DPP6: variants seen among roughly 807,000 people sequenced by gnomAD.
DPP6 encodes the protein A-type potassium channel modulatory protein DPP6.
In DPP6, 69 loss-of-function variants were observed where a neutral mutation model predicts 122.6. The ratio of observed to expected loss-of-function variants is 0.56; its 90% CI spans 0.46 to 0.69. The LOEUF (loss-of-function observed/expected upper bound fraction) is 0.69, where lower values mean the gene tolerates loss of function less well. Ranked by LOEUF, DPP6 falls within the 30% of genes least tolerant of loss-of-function variation. DPP6 has a pLI of 0.00. For missense variants in DPP6, 928 were observed against 1,116.9 expected (o/e 0.83, Z 2.41); for synonymous variants, 418 against 433.1 (o/e 0.97, Z 0.43).
intron 1 of DPP6, among the ~76,000 whole-genome samples, chr7:154,272,639 C>T (rs546454479): frequency 6.6e-6 from 1 of 152,066 alleles, no homozygotes; most frequent in Non-Finnish European, 1.5e-5. Context: ...TAGGGGGACT[C>T]CATTAGCCCC....
chr7:153,904,348 G>A (rs917163295), intron 1 of DPP6, among the ~76,000 whole-genome samples: 1 of 152,060 alleles, frequency 6.6e-6, no homozygotes. Context: ...CACCACACCT[G>A]GCCAGTTATT....
chr7:154,389,040 GGGAAAGCTGT>G (rs1814374283), intron 1 of DPP6, among the ~76,000 whole-genome samples: 1 of 152,124 alleles, frequency 6.6e-6, no homozygotes, highest in Non-Finnish European at 1.5e-5. Context: ...TAAGCTGGTT[GGGAAAGCTGT>G]CGTTCACCTT....
At chr7:154,768,970 C>A (rs1215342857) in intron 8 of DPP6, among the ~76,000 whole-genome samples, 1 of 152,164 alleles carries the variant, frequency 6.6e-6, no homozygotes, top group African/African-American at 2.4e-5. Flanking sequence ...CAGCCTCTGC[C>A]AGAGTTCACT....
chr7:153,751,966 C>T, the DPP6 span, among the ~76,000 whole-genome samples: 1 of 152,146 alleles, frequency 6.6e-6, no homozygotes, highest in African/African-American at 2.4e-5. Context: ...CTGGAAGCAG[C>T]AGACATAGCT....
chr7:154,590,969 G>A (rs550099627), intron 5 of DPP6, among the ~76,000 whole-genome samples: 15 of 152,354 alleles, frequency 9.8e-5, no homozygotes, highest in Admixed American at 8.5e-4. Flanking sequence ...AGTGATGGGC[G>A]TGGTGAACCA....
At chr7:153,919,402 A>G (rs556143879) in intron 1 of DPP6, among the ~76,000 whole-genome samples, 1 of 152,168 alleles carries the variant, frequency 6.6e-6, no homozygotes, top group Non-Finnish European at 1.5e-5. Context: ...TCCAGGAGGA[A>G]CCCAGGCTCA....
intron 7 of DPP6, among the ~76,000 whole-genome samples, chr7:154,670,714 A>C (rs1838500270): frequency 6.6e-6 from 1 of 152,208 alleles, no homozygotes; most frequent in Non-Finnish European, 1.5e-5. Flanking sequence ...AGCACAAAAA[A>C]TGATCGTATC....
chr7:154,617,893 C>CT (rs139007138), intron 5 of DPP6, among the ~76,000 whole-genome samples: 1 of 151,960 alleles, frequency 6.6e-6, no homozygotes, highest in Non-Finnish European at 1.5e-5. Flanking sequence ...AGGCGTCGTG[C>CT]TTTTTTTCAT....
intron 1 of DPP6, among the ~76,000 whole-genome samples, chr7:153,945,687 C>T (rs1317011138): frequency 1.3e-5 from 2 of 152,024 alleles, no homozygotes; most frequent in Non-Finnish European, 2.9e-5. Flanking sequence ...GATAAAATTG[C>T]CAAATTTTAT....
intron 1 of DPP6, among the ~76,000 whole-genome samples, chr7:154,251,495 G>C (rs933284941): frequency 6.6e-6 from 1 of 152,180 alleles, no homozygotes; most frequent in Non-Finnish European, 1.5e-5. Flanking sequence ...ATAAAAGGGA[G>C]TTAATTAAGG....
chr7:154,074,420 G>A (rs1264463835), intron 1 of DPP6, among the ~76,000 whole-genome samples: 2 of 152,094 alleles, frequency 1.3e-5, no homozygotes, highest in Admixed American at 1.3e-4. Flanking sequence ...TTATTATAAA[G>A]TCTTAGTAAT....
intron 3 of DPP6, among the ~76,000 whole-genome samples, chr7:154,485,795 A>AT (rs111808958): frequency 0.01 from 1,520 of 150,824 alleles, 27 homozygotes; most frequent in African/African-American, 0.035. Context: ...GGAGGCAGGA[A>AT]TTTTTTTTTT....
At chr7:154,104,608 C>T (rs192860914) in intron 1 of DPP6, among the ~76,000 whole-genome samples, 27 of 152,384 alleles carry the variant, frequency 1.8e-4, no homozygotes, top group Admixed American at 1.2e-3. Context: ...AGGGACCCTT[C>T]GGCCCTGGAC....
At chr7:153,871,928 C>A in the DPP6 span, among the ~76,000 whole-genome samples, 1 of 152,224 alleles carries the variant, frequency 6.6e-6, no homozygotes, top group African/African-American at 2.4e-5. Context: ...ATCCCTGCAG[C>A]AAACACCGCT....
chr7:153,877,401 A>G, the DPP6 span, among the ~76,000 whole-genome samples: 1 of 152,156 alleles, frequency 6.6e-6, no homozygotes, highest in East Asian at 1.9e-4. Flanking sequence ...TTATTATCAA[A>G]CATTATGTAC....
At chr7:154,592,215 G>C (rs1415342291) in intron 5 of DPP6, among the ~76,000 whole-genome samples, 3 of 152,212 alleles carry the variant, frequency 2.0e-5, no homozygotes, top group Non-Finnish European at 4.4e-5. Flanking sequence ...GCCAGAGTAA[G>C]GCTTGACTGG....
intron 5 of DPP6, among the ~76,000 whole-genome samples, chr7:154,599,558 C>T (rs1022149080): frequency 2.6e-5 from 4 of 151,468 alleles, no homozygotes; most frequent in East Asian, 3.9e-4. Flanking sequence ...ATGTGCACAA[C>T]GTGCAGGTTT....
At chr7:154,797,802 C>G (rs967236473) in intron 12 of DPP6, among the ~76,000 whole-genome samples, 1 of 152,142 alleles carries the variant, frequency 6.6e-6, no homozygotes, top group African/African-American at 2.4e-5. Context: ...GGAATTTTAC[C>G]TCAACGATTT....
At chr7:154,407,752 T>A (rs1205881937) in intron 1 of DPP6, among the ~76,000 whole-genome samples, 2 of 152,186 alleles carry the variant, frequency 1.3e-5, no homozygotes, top group East Asian at 3.9e-4. Context: ...GAGGAGCATG[T>A]GAATTCCAGG....
Sources: allele counts gnomAD v4.1 joint callset (sites outside exome capture counted in the v4.1 genomes callset), GRCh38; gene constraint gnomAD v4.1.1; transcripts MANE v1.5; gene names NCBI Gene and HGNC (gene_info 2026-07-23, HGNC 2026-07-21).